Variants in AOAH observed in about 807,000 individuals in gnomAD.
AOAH encodes the protein acyloxyacyl hydrolase (neutrophil).
In AOAH, 64 loss-of-function variants were observed where a neutral mutation model predicts 92.2. The ratio of observed to expected loss-of-function variants is 0.69; its 90% CI spans 0.57 to 0.86. AOAH has a LOEUF of 0.86. Among genes scored for constraint, AOAH ranks in the 40% least tolerant of loss-of-function variants. AOAH has a pLI of 0.00. For missense variants in AOAH, 656 were observed against 694.6 expected, an observed-to-expected ratio of 0.94 and a Z score of 0.62; for synonymous variants, 263 against 254.5, an observed-to-expected ratio of 1.03 and a Z score of -0.32.
intron 11 of AOAH, among the ~76,000 whole-genome samples, chr7:36,610,298 G>A (rs1197304004): frequency 1.3e-5 from 2 of 151,680 alleles, no homozygotes; most frequent in East Asian, 3.9e-4. Flanking sequence ...GTCGTAATGA[G>A]GAAAATACTT....
intron 1 of AOAH, among the ~76,000 whole-genome samples, chr7:36,691,633 A>G (rs1349614059): frequency 6.6e-6 from 1 of 152,192 alleles, no homozygotes; most frequent in African/African-American, 2.4e-5. Context: ...TTACTTATGA[A>G]TTGGTGCATT....
intron 2 of AOAH, among the ~76,000 whole-genome samples, chr7:36,674,279 ATTCT>A (rs1562683467): frequency 1.3e-5 from 2 of 152,160 alleles, no homozygotes; most frequent in African/African-American, 4.8e-5. Context: ...CTTTTCGTTC[ATTCT>A]TTCTTTCTTT....
chr7:36,631,108 G>A (rs1793046699), intron 6 of AOAH, among the ~76,000 whole-genome samples: 1 of 152,216 alleles, frequency 6.6e-6, no homozygotes, highest in African/African-American at 2.4e-5. Flanking sequence ...CACTTTGGGA[G>A]GCTGAGGTGG....
At chr7:36,522,641 T>C (rs1463854370) in intron 19 of AOAH, among the ~76,000 whole-genome samples, 2 of 152,106 alleles carry the variant, frequency 1.3e-5, no homozygotes, top group East Asian at 3.9e-4. Context: ...AGCCCCAGAA[T>C]GATGAAAAGC....
intron 20 of AOAH, among the ~76,000 whole-genome samples, chr7:36,519,461 G>A (rs1271532965): frequency 5.3e-5 from 8 of 152,040 alleles, no homozygotes; most frequent in Non-Finnish European, 8.8e-5. Flanking sequence ...ATGGAGTTTC[G>A]CTCTTGTTGC....
At chr7:36,544,790 T>A (rs1490382169) in intron 15 of AOAH, among the ~76,000 whole-genome samples, 1 of 152,148 alleles carries the variant, frequency 6.6e-6, no homozygotes, top group Admixed American at 6.5e-5. Flanking sequence ...CCCTGGCAGG[T>A]AAGCCAGCCA....
At chr7:36,579,408 T>C (rs1788766697) in intron 12 of AOAH, among the ~76,000 whole-genome samples, 1 of 151,206 alleles carries the variant, frequency 6.6e-6, no homozygotes, top group South Asian at 2.1e-4. Flanking sequence ...AAAACGACTA[T>C]TGTTTTAAGC....
intron 3 of AOAH, among the ~76,000 whole-genome samples, chr7:36,667,365 G>T (rs564030018): frequency 1.2e-4 from 19 of 152,224 alleles, no homozygotes; most frequent in Admixed American, 5.9e-4. Flanking sequence ...CTCAGTTACC[G>T]GATTGATTGT....
intron 1 of AOAH, among the ~76,000 whole-genome samples, chr7:36,709,361 G>A (rs535765431): frequency 6.6e-6 from 1 of 152,280 alleles, no homozygotes; most frequent in East Asian, 1.9e-4. Context: ...TGAGGGCAGT[G>A]TAGACAGAGC....
rs1378859806 is a variant in AOAH at position 36,674,012 on chromosome 7, A to G, written c.224-3T>C. The G allele has an allele frequency of 1.9e-6, 3 of 1,570,318 alleles. No individual in the cohort carries two copies. The highest frequency in any genetic ancestry group is 2.2e-5 in the East Asian group (1 of 44,568). On this transcript the variant is annotated splice_polypyrimidine_tract_variant and splice_region_variant and intron_variant, in intron 2 of 20. Transcript: ENST00000617537. Reference sequence around the variant, plus strand: ...GGTGGTTTTCAAGAACAGTTTTTCTAAAAAATATAAAGAGGGAAATTGAAT... The same window carrying G: ...GGTGGTTTTCAAGAACAGTTTTTCTGAAAAATATAAAGAGGGAAATTGAAT...
chr7:36,558,654 T>C (rs2116444379), intron 13 of AOAH, among the ~76,000 whole-genome samples: 1 of 152,372 alleles, frequency 6.6e-6, no homozygotes, highest in Non-Finnish European at 1.5e-5. Flanking sequence ...AGCTGCTTTG[T>C]TTACCTAAGC....
intron 4 of AOAH, among the ~76,000 whole-genome samples, chr7:36,645,496 T>A (rs1794171944): frequency 6.6e-6 from 1 of 152,184 alleles, no homozygotes; most frequent in East Asian, 1.9e-4. Context: ...GAAAAGGGCT[T>A]CAAGGCAATT....
chr7:36,686,116 C>A (rs866209840), intron 2 of AOAH, among the ~76,000 whole-genome samples: 1 of 152,082 alleles, frequency 6.6e-6, no homozygotes, highest in Non-Finnish European at 1.5e-5. Context: ...TATTTTATTT[C>A]TACTAATATT....
In AOAH at chr7:36,547,029, G is replaced by A. The variant is rs917511865; in HGVS notation, c.1133+1583C>T. ...ACCTGGTTTGGCTCCCAGCTTTGAT[G>A]CTCAATACCAGAACAGGCAAGTTCC... is the stretch of plus-strand genomic sequence containing the variant. On this transcript the variant is annotated intron_variant, in intron 15 of 20. Transcript: ENST00000617537. Among the ~76,000 whole-genome samples, 7 of 152,212 alleles carry A rather than the reference G, an allele frequency of 4.6e-5. No homozygotes were observed. In the South Asian group the frequency reaches 8.3e-4, roughly 18 times the overall value.
intron 19 of AOAH, among the ~76,000 whole-genome samples, chr7:36,526,878 T>C (rs572357780): frequency 3.9e-5 from 6 of 152,328 alleles, no homozygotes; most frequent in Non-Finnish European, 8.8e-5. Flanking sequence ...CATAAAGTCA[T>C]TGGCTGATTT....
chr7:36,659,182 A>G lies in AOAH; in HGVS notation c.374T>C (p.Leu125Pro), dbSNP rs1323683158. The G allele has an allele frequency of 3.1e-6, 5 of 1,613,570 alleles. No homozygotes were observed. The African/African-American group carries it at 4.0e-5, about 13-fold the overall frequency. The change falls in exon 4 of 21, where the codon CTC becomes CCC. Residue 125 changes from leucine to proline, a missense_variant. Transcript: ENST00000617537. Reference sequence around the variant, plus strand: ...CACACTCACCTTGGGAAGAGGGTAGAGATGACACAATGGTTGGCCAGTGTT... The same window carrying G: ...CACACTCACCTTGGGAAGAGGGTAGGGATGACACAATGGTTGGCCAGTGTT... ...KQNTGQPLCHLYPLPKETWKF... is the reference protein window; with the variant it reads ...KQNTGQPLCHPYPLPKETWKF...
intron 1 of AOAH, among the ~76,000 whole-genome samples, chr7:36,708,253 T>G (rs182877485): frequency 4.6e-5 from 7 of 152,292 alleles, no homozygotes; most frequent in Admixed American, 3.9e-4. Context: ...TTCTCTATTC[T>G]TTGGTTGGGA....
At chr7:36,647,345 G>A (rs1483860105) in intron 4 of AOAH, among the ~76,000 whole-genome samples, 1 of 152,148 alleles carries the variant, frequency 6.6e-6, no homozygotes, top group Non-Finnish European at 1.5e-5. Flanking sequence ...GGCCAAGAGT[G>A]GATGCTGGGA....
intron 20 of AOAH, among the ~76,000 whole-genome samples, chr7:36,519,317 A>G (rs1055852440): frequency 6.6e-6 from 1 of 152,206 alleles, no homozygotes; most frequent in Non-Finnish European, 1.5e-5. Flanking sequence ...TTTCTTTCAT[A>G]TTCAGGTCTT....
Sources: gnomAD v4.1 joint callset for allele counts (sites outside exome capture counted in the v4.1 genomes callset) on GRCh38, gnomAD v4.1.1 for gene constraint, MANE v1.5 for transcripts, NCBI Gene and HGNC (gene_info 2026-07-23, HGNC 2026-07-21) for gene names.